ABI2: variants seen among roughly 807,000 people sequenced by gnomAD.
The protein encoded by ABI2 is abl interactor 2, also known as abelson interactor 2.
A neutral mutation model predicts 59.2 loss-of-function variants in ABI2; 25 were observed. The observed-to-expected ratio is 0.42, with a 90% CI of 0.31 to 0.59. The LOEUF (loss-of-function observed/expected upper bound fraction) is 0.59, where lower values mean the gene tolerates loss of function less well. Among genes scored for constraint, ABI2 ranks in the 20% least tolerant of loss-of-function variants. The probability of loss-of-function intolerance (pLI) is 0.14; values close to 1 mark genes in which losing one functional copy is unlikely to be tolerated. For missense variants in ABI2, 545 were observed against 681.8 expected (o/e 0.80, Z 2.23); for synonymous variants, 213 against 235.5 (o/e 0.90, Z 0.87).
rs2078131328 is a variant in ABI2, at chr2:203,338,975, T to TAA, written c.117+10345_117+10346insAA. Reference sequence around the variant, plus strand: ...ATATATATATATAAATATATATATATATATATAAATATATATATATATATA... The same window carrying TAA: ...ATATATATATATAAATATATATATATAAATATATAAATATATATATATATATA... On this transcript the variant is annotated intron_variant, in intron 1 of 11. Coordinates refer to ENST00000261018, the MANE Select transcript of ABI2 (RefSeq NM_001375670.1). Among the ~76,000 whole-genome samples, 8 of 9,504 alleles carry TAA rather than the reference T, an allele frequency of 8.4e-4. 1 individual carries two copies. The highest frequency in any genetic ancestry group is 2.6e-3 in the African/African-American group (8 of 3,058). The allele number at this position is 9,504 out of a possible 152,430, so 6.2% of individuals were successfully genotyped here.
chr2:203,370,393 A>G (rs541834852), intron 2 of ABI2, among the ~76,000 whole-genome samples: 10 of 152,094 alleles, frequency 6.6e-5, no homozygotes, highest in African/African-American at 2.4e-4. Flanking sequence ...CAGCAAAGAG[A>G]GATGACATTG....
chr2:203,340,465 C>G (rs1011490968), intron 1 of ABI2, among the ~76,000 whole-genome samples: 1 of 151,970 alleles, frequency 6.6e-6, no homozygotes, highest in Non-Finnish European at 1.5e-5. Context: ...TCCCCAGGCT[C>G]AAGTGATGCT....
chr2:203,350,516 C>G (rs2087197108), intron 1 of ABI2, among the ~76,000 whole-genome samples: 1 of 150,766 alleles, frequency 6.6e-6, no homozygotes, highest in South Asian at 2.1e-4. Context: ...CATGTGGTTA[C>G]TATTTTTTCT....
At chr2:203,416,801 A>T in intron 10 of ABI2, 107 bp from the exon 11 acceptor site, 2 of 1,184,016 alleles carry the variant, frequency 1.7e-6, no homozygotes, top group Non-Finnish European at 2.3e-6. Context: ...GGAATATTAC[A>T]TTTATTTTCA....
intron 2 of ABI2, among the ~76,000 whole-genome samples, chr2:203,374,600 T>TCC (rs2095555037): frequency 6.6e-6 from 1 of 152,094 alleles, no homozygotes; most frequent in African/African-American, 2.4e-5. Context: ...TTTTTATACT[T>TCC]CCCAATTAAT....
Position 203,335,077 on chromosome 2 carries a change from G to GT in ABI2, c.117+6449dup, listed in dbSNP as rs533164681. Among the ~76,000 whole-genome samples the GT allele has an allele frequency of 1.8e-4, 27 of 152,174 alleles. No homozygotes were observed. The East Asian group carries it at 5.2e-3, about 29-fold the overall frequency. Reference sequence around the variant, plus strand: ...ATTTTGGATTTTTCATTTACTTTGTGTTTCCTTCCAGATACGAAGCTCCTA... The same window carrying GT: ...ATTTTGGATTTTTCATTTACTTTGTGTTTTCCTTCCAGATACGAAGCTCCTA... On this transcript the variant is annotated intron_variant, in intron 1 of 11. Coordinates refer to ENST00000261018, the MANE Select transcript of ABI2 (RefSeq NM_001375670.1).
chr2:203,341,244 T>C (rs762364214), intron 1 of ABI2, among the ~76,000 whole-genome samples: 4 of 152,224 alleles, frequency 2.6e-5, no homozygotes, highest in Non-Finnish European at 5.9e-5. Flanking sequence ...ACAGTGTTTC[T>C]TATTTATTTG....
intron 2 of ABI2, among the ~76,000 whole-genome samples, chr2:203,369,701 CCTT>C (rs1420474389): frequency 6.6e-6 from 1 of 152,046 alleles, no homozygotes; most frequent in African/African-American, 2.4e-5. Context: ...ATACGTCGAA[CCTT>C]CTTTTTTCAG....
Position 203,429,755 on chromosome 2 carries a change from A to AT in ABI2, c.*2403_*2404insT, listed in dbSNP as rs1169650110. On this transcript the variant is annotated 3_prime_UTR_variant, in exon 12 of 12. Transcript: ENST00000261018. Reference sequence around the variant, plus strand: ...CTGGTGACAGAGCGAGACTCCATCAAAAAAAAAAAAAAAAAGTTCCCACAG... The same window carrying AT: ...CTGGTGACAGAGCGAGACTCCATCAATAAAAAAAAAAAAAAAGTTCCCACAG... 1 of 148,364 alleles carries AT rather than the reference A, an allele frequency of 6.7e-6. No individual in the cohort carries two copies. Among genetic ancestry groups the AT allele is most frequent in the Non-Finnish European group, 1.5e-5 (1 of 66,860 alleles). 9.2% of individuals were successfully genotyped at this position (148,364 alleles called of 1,614,324 possible). A position where few individuals can be genotyped will look rare whatever the true frequency, so the allele number is the denominator to read the frequency against.
At chr2:203,365,443 T>G (rs928129992) in intron 1 of ABI2, among the ~76,000 whole-genome samples, 1 of 152,196 alleles carries the variant, frequency 6.6e-6, no homozygotes, top group African/African-American at 2.4e-5. Flanking sequence ...TACCTTTTTC[T>G]TATTTCATTA....
In ABI2 at chr2:203,391,117, C is replaced by T. The variant is rs756981033; in HGVS notation, c.552C>T (p.Pro184=). 2 of 1,613,416 alleles carry T rather than the reference C, an allele frequency of 1.2e-6. No individual in the cohort carries two copies. The highest frequency in any genetic ancestry group is 1.1e-5 in the South Asian group (1 of 90,912). The change falls in exon 5 of 12, where the codon CCC becomes CCT. Residue 184 remains proline, a synonymous_variant. Transcript: ENST00000261018. ...TTPPTQKPPS[P]PMSGKGTLGR... is the part of the protein sequence containing the mutation. ...CTCCAACTCAGAAGCCCCCTAGTCC[C>T]CCTATGTCAGGGAAAGGGACACTTG...
chr2:203,340,502 G>A (rs1370701876), intron 1 of ABI2, among the ~76,000 whole-genome samples: 1 of 151,962 alleles, frequency 6.6e-6, no homozygotes, highest in Non-Finnish European at 1.5e-5. Flanking sequence ...GAATAGCTGG[G>A]ACTACATGTG....
chr2:203,399,665 C>T (rs1436167539), intron 8 of ABI2, among the ~76,000 whole-genome samples: 1 of 152,162 alleles, frequency 6.6e-6, no homozygotes, highest in Non-Finnish European at 1.5e-5. Context: ...CAGGCACCCA[C>T]CACCATGCCC....
intron 2 of ABI2, among the ~76,000 whole-genome samples, chr2:203,377,949 C>G (rs1252032565): frequency 6.6e-6 from 1 of 152,110 alleles, no homozygotes; most frequent in Non-Finnish European, 1.5e-5. Flanking sequence ...TTCCATTTCT[C>G]TAAAGTTAAA....
At chr2:203,361,243 T>C (rs1337485545) in intron 1 of ABI2, among the ~76,000 whole-genome samples, 3 of 152,196 alleles carry the variant, frequency 2.0e-5, no homozygotes, top group Admixed American at 6.5e-5. Context: ...GCTTGGGTCA[T>C]GTGTCCCTTC....
chr2:203,416,929 C>T lies in ABI2; in HGVS notation c.1301C>T (p.Pro434Leu), dbSNP rs1352480048. 6 of 1,612,884 alleles carry T rather than the reference C, an allele frequency of 3.7e-6. No individual in the cohort carries two copies. Among genetic ancestry groups the T allele is most frequent in the Admixed American group, 1.7e-5 (1 of 59,778 alleles). ...TTAGTTTCAGATACACCACCTCCAC[C>T]GCCACCTGTGGAAGAACCAGTCTTT... ...QENISDTPPP[P>L]PPVEEPVFDE... The change falls in exon 11 of 12, where the codon CCG (proline) becomes CTG (leucine). Residue 434 changes from proline to leucine, a missense_variant. Around this residue, in one of 4 missense-constraint regions of ABI2, gnomAD observed 410 missense variants for 435.6 expected, o/e 0.94. Transcript: ENST00000261018.
rs2076206721 is a variant in ABI2 at position 203,335,826 on chromosome 2, GTT to G, written c.117+7198_117+7199del. ...TGATTTTTAAAGTCAGGTTTATTGA[GTT>G]TTAATACATATATGGTACAAGTCAC... On this transcript the variant is annotated intron_variant, in intron 1 of 11. Coordinates refer to ENST00000261018, the MANE Select transcript of ABI2 (RefSeq NM_001375670.1). Among the ~76,000 whole-genome samples, 2 of 152,100 alleles carry G rather than the reference GTT, an allele frequency of 1.3e-5. 1 individual carries two copies. Among genetic ancestry groups the G allele is most frequent in the African/African-American group, 4.8e-5 (2 of 41,398 alleles).
At position 203,431,165 on chromosome 2, in the gene ABI2, T is replaced by C. The variant is rs1167629112; in HGVS notation, c.*3813T>C. ...GTGGTAATTTCCCCCATATAAGATTTAGAATCACTGAGTTTGAGCTAGATG... is the reference window on the plus strand; with the variant it reads ...GTGGTAATTTCCCCCATATAAGATTCAGAATCACTGAGTTTGAGCTAGATG... On this transcript the variant is annotated 3_prime_UTR_variant, in exon 12 of 12. Coordinates refer to ENST00000261018, the MANE Select transcript of ABI2 (RefSeq NM_001375670.1). The C allele has an allele frequency of 6.6e-6, 1 of 152,468 alleles. No individual in the cohort carries two copies. Among genetic ancestry groups the C allele is most frequent in the African/African-American group, 2.4e-5 (1 of 41,438 alleles). The allele number at this position is 152,468 out of a possible 1,614,324, so 9.4% of individuals were successfully genotyped here.
At chr2:203,330,461 G>C (rs1358843551) in intron 1 of ABI2, among the ~76,000 whole-genome samples, 4 of 150,920 alleles carry the variant, frequency 2.7e-5, no homozygotes, top group Non-Finnish European at 5.9e-5. Flanking sequence ...TTATGGCCTA[G>C]AACTGTGTGA....
Sources: allele counts gnomAD v4.1 joint callset (sites outside exome capture counted in the v4.1 genomes callset), GRCh38; gene constraint gnomAD v4.1.1; regional missense constraint gnomAD v4.1.1; transcripts MANE v1.5; gene names NCBI Gene and HGNC (gene_info 2026-07-23, HGNC 2026-07-21).